TDP1: variants seen among roughly 807,000 people sequenced by gnomAD.
The protein encoded by TDP1 is tyr-DNA phosphodiesterase 1.
A neutral mutation model predicts 81.5 loss-of-function variants in TDP1; 64 were observed. The observed-to-expected ratio is 0.79, with a 90% confidence interval of 0.64 to 0.97. The LOEUF (loss-of-function observed/expected upper bound fraction) is 0.97. TDP1 is among the 50% of genes least tolerant of loss of function. The probability of loss-of-function intolerance (pLI) is 0.00; values close to 1 mark genes in which losing one functional copy is unlikely to be tolerated. For missense variants in TDP1, 723 were observed against 743.8 expected, an observed-to-expected ratio of 0.97 and a Z score of 0.33; for synonymous variants, 256 against 264.3, an observed-to-expected ratio of 0.97 and a Z score of 0.30.
rs186702598 is a variant in TDP1, at chr14:89,995,610, G to A, written c.1541+2127G>A. Among the ~76,000 whole-genome samples, 310 of 152,306 alleles carry A rather than the reference G, an allele frequency of 2.0e-3. 1 individual carries two copies. The highest frequency in any genetic ancestry group is 7.2e-3 in the African/African-American group (301 of 41,568). On this transcript the variant is annotated intron_variant, in intron 14 of 16. Coordinates refer to ENST00000335725, the MANE Select transcript of TDP1 (RefSeq NM_018319.4). ...CTCAGCCCTTCCATAATAAAGGAAAGTATAGTTTCCAAATATAAATGGCAT... is the reference window on the plus strand; with the variant it reads ...CTCAGCCCTTCCATAATAAAGGAAAATATAGTTTCCAAATATAAATGGCAT...
chr14:90,035,182 T>A (rs1887699176), intron 16 of TDP1, among the ~76,000 whole-genome samples: 1 of 152,252 alleles, frequency 6.6e-6, no homozygotes, highest in Non-Finnish European at 1.5e-5. Context: ...GGCCCTTTCT[T>A]AGATGGTGTT....
intron 15 of TDP1, chr14:90,023,195 G>T: frequency 1.5e-6 from 1 of 676,058 alleles, no homozygotes. Context: ...TGGTCTGCCC[G>T]GGGGGCTTGG....
Position 89,963,251 on chromosome 14 carries a change from A to G in TDP1, c.137A>G (p.Tyr46Cys), listed in dbSNP as rs141387488. ...CAAGGAGCAGCAAATGAGCCCAGGT[A>G]CACCTGTTCCGAGGCCCAGAAAGCT... is the stretch of plus-strand genomic sequence containing the variant. ...ARQGAANEPRYTCSEAQKAAH... is the reference protein window; with the variant it reads ...ARQGAANEPRCTCSEAQKAAH... Residue 46 changes from tyrosine (Y) to cysteine (C), a missense_variant, in exon 3 of 17, where the codon TAC becomes TGC. Tyr to Cys is a radical substitution (Grantham distance 194). Transcript: ENST00000335725. The G allele has an allele frequency of 3.3e-4, 531 of 1,614,062 alleles. No individual in the cohort carries two copies. The highest frequency in any genetic ancestry group is 4.2e-4 in the Non-Finnish European group (501 of 1,180,032).
chr14:90,003,157 C>G (rs557873333), intron 14 of TDP1, among the ~76,000 whole-genome samples: 1 of 152,076 alleles, frequency 6.6e-6, no homozygotes, highest in African/African-American at 2.4e-5. Context: ...AGGCTGGTCT[C>G]GAACTCCTGA....
rs893542832 is a variant in TDP1 at position 90,036,172 on chromosome 14, T to A, written c.1753+2958T>A. Among the ~76,000 whole-genome samples, 35 of 152,182 alleles carry A rather than the reference T, an allele frequency of 2.3e-4. No homozygotes were observed. In the East Asian group the frequency reaches 2.7e-3, roughly 12 times the overall value. On this transcript the variant is annotated intron_variant, in intron 16 of 16. Transcript: ENST00000335725. Reference sequence around the variant, plus strand: ...GCTAAAATAATAATAATAAATTTTTTAAAAAATAAAGATACATACAAGAGA... The same window carrying A: ...GCTAAAATAATAATAATAAATTTTTAAAAAAATAAAGATACATACAAGAGA...
At chr14:89,966,693 C>T (rs34254473) in intron 4 of TDP1, among the ~76,000 whole-genome samples, 15,078 of 152,156 alleles carry the variant, frequency 0.099, 1,950 homozygotes, top group African/African-American at 0.3. Flanking sequence ...GGGCCCTGTC[C>T]CTGAAGAAAG....
At chr14:89,955,003 T>C (rs1891435092), upstream of TDP1, 2 of 370,778 alleles carry the variant, frequency 5.4e-6, no homozygotes, top group East Asian at 5.3e-5. Flanking sequence ...GCCTGGTTCA[T>C]GATTTATTTC....
intron 16 of TDP1, among the ~76,000 whole-genome samples, chr14:90,039,322 G>A (rs539293796): frequency 7.9e-5 from 12 of 152,260 alleles, no homozygotes; most frequent in Admixed American, 2.6e-4. Context: ...GGCATGTCTC[G>A]TACATTCCTT....
At chr14:89,992,058 T>G (rs981628656) in intron 13 of TDP1, 75 bp downstream of exon 13, 9 of 1,334,152 alleles carry the variant, frequency 6.7e-6, no homozygotes, top group African/African-American at 4.4e-5. Flanking sequence ...GGTTTGTTTT[T>G]TTTTTTAAAA....
intron 5 of TDP1, among the ~76,000 whole-genome samples, chr14:89,968,626 CTTT>C (rs1200783395): frequency 6.6e-6 from 1 of 152,200 alleles, no homozygotes; most frequent in African/African-American, 2.4e-5. Flanking sequence ...CTGAATTAGC[CTTT>C]TGTTAGGGAA....
intron 14 of TDP1, among the ~76,000 whole-genome samples, chr14:89,994,696 A>G (rs1167086886): frequency 1.3e-5 from 2 of 152,262 alleles, no homozygotes; most frequent in African/African-American, 4.8e-5. Flanking sequence ...TGTGAGGACC[A>G]TAGTGGAAGC....
intron 14 of TDP1, among the ~76,000 whole-genome samples, chr14:90,013,518 T>G (rs1173844278): frequency 6.6e-6 from 1 of 152,240 alleles, no homozygotes; most frequent in African/African-American, 2.4e-5. Context: ...TGCCTTCTGC[T>G]ATGATCGTGA....
chr14:89,984,644 G>T lies in TDP1; in HGVS notation c.1013G>T (p.Trp338Leu), dbSNP rs1341371098. 1.2e-5 allele frequency: 20 copies of T among 1,614,082 alleles called. No homozygotes were observed. Among genetic ancestry groups the T allele is most frequent in the Non-Finnish European group, 1.6e-5 (19 of 1,180,022 alleles). ...MAYNAPSLKE[W>L]IDVIHKHDLS... ...TATAATGCCCCTTCTCTCAAGGAGT[G>T]GATAGATGTCATTCACAAGCACGAT... The change falls in exon 9 of 17, where the codon TGG becomes TTG. Residue 338 changes from tryptophan (W) to leucine (L), a missense_variant. Transcript: ENST00000335725.
chr14:89,960,592 A>G (rs1378566326), intron 2 of TDP1, among the ~76,000 whole-genome samples: 1 of 152,256 alleles, frequency 6.6e-6, no homozygotes, highest in Non-Finnish European at 1.5e-5. Flanking sequence ...CAGACAGTCT[A>G]GGGTCACTAT....
Position 89,993,357 on chromosome 14 carries a change from T to C in TDP1, c.1434-19T>C, listed in dbSNP as rs1333507296. The C allele has an allele frequency of 3.1e-6, 5 of 1,592,794 alleles. No homozygotes were observed. The highest frequency in any genetic ancestry group is 2.2e-5 in the South Asian group (2 of 90,544). On this transcript the variant is annotated intron_variant, in intron 13 of 16. Coordinates refer to ENST00000335725, the MANE Select transcript of TDP1 (RefSeq NM_018319.4). ...AATTTTATTTCATAATTAGTAACTT[T>C]TGTCTTTTCTGTCACTAGCAAATGG...
At chr14:90,022,777 T>G in intron 15 of TDP1, 2 of 985,344 alleles carry the variant, frequency 2.0e-6, no homozygotes, top group Non-Finnish European at 2.4e-6. Flanking sequence ...CTTCACAAAA[T>G]TAACATTGAT....
intron 16 of TDP1, among the ~76,000 whole-genome samples, chr14:90,039,736 T>C (rs1258038007): frequency 6.6e-6 from 1 of 152,084 alleles, no homozygotes; most frequent in African/African-American, 2.4e-5. Context: ...CCTTATCCTC[T>C]GTGAGTTGAG....
intron 14 of TDP1, among the ~76,000 whole-genome samples, chr14:89,993,869 T>G (rs1896440392): frequency 6.6e-6 from 1 of 152,202 alleles, no homozygotes; most frequent in South Asian, 2.1e-4. Context: ...ATCAAATCTC[T>G]TATGTGTCCT....
chr14:90,026,095 T>G (rs1249604609), intron 15 of TDP1, among the ~76,000 whole-genome samples: 3 of 152,232 alleles, frequency 2.0e-5, no homozygotes, highest in African/African-American at 7.2e-5. Context: ...AAGTCTCTAC[T>G]TTCTCTTTTC....
Sources: gnomAD v4.1 joint callset for allele counts (sites outside exome capture counted in the v4.1 genomes callset) on GRCh38, gnomAD v4.1.1 for gene constraint, MANE v1.5 for transcripts, NCBI Gene and HGNC (gene_info 2026-07-23, HGNC 2026-07-21) for gene names.